Variants in MSI2 observed in about 807,000 individuals in gnomAD.
MSI2 encodes the protein RNA-binding protein Musashi homolog 2.
MSI2 carries 17 observed loss-of-function variants against 45.6 expected under a neutral mutation model. The ratio of observed to expected loss-of-function variants is 0.37; its 90% CI spans 0.26 to 0.56. MSI2 has a LOEUF of 0.56. MSI2 is among the 20% of genes least tolerant of loss of function. The probability of loss-of-function intolerance (pLI) is 0.77; values close to 1 mark genes in which losing one functional copy is unlikely to be tolerated. For synonymous variants in MSI2, 156 were observed against 158.2 expected, an observed-to-expected ratio of 0.99 and a Z score of 0.11; for missense variants, 293 against 444.2, an observed-to-expected ratio of 0.66 and a Z score of 3.06.
Position 57,317,808 on chromosome 17 carries a change from A to C in MSI2, c.312+55616A>C, listed in dbSNP as rs575723900. On this transcript the variant is annotated intron_variant, in intron 5 of 13. Coordinates refer to ENST00000284073, the MANE Select transcript of MSI2 (RefSeq NM_138962.4). ...TGTGTATTTGGGGTAGTGGTGCCCC[A>C]GCCTCAGAATGTGCCTCTTGGGAAG... is the stretch of plus-strand genomic sequence containing the variant. Among the ~76,000 whole-genome samples, 3 of 152,308 alleles carry C rather than the reference A, an allele frequency of 2.0e-5. No homozygotes were observed. The South Asian group carries it at 6.2e-4, about 32-fold the overall frequency.
chr17:57,614,636 C>T (rs1229913063), intron 8 of MSI2, among the ~76,000 whole-genome samples: 3 of 152,132 alleles, frequency 2.0e-5, no homozygotes, highest in South Asian at 2.1e-4. Flanking sequence ...TAAAAGCATC[C>T]GTGCCTTACC....
chr17:57,439,559 CTT>C (rs758957801), intron 6 of MSI2, among the ~76,000 whole-genome samples: 3,018 of 137,122 alleles, frequency 0.022, 38 homozygotes, highest in Middle Eastern at 0.076. Flanking sequence ...TAGGCTTTGT[CTT>C]TTTTTTTTTT....
chr17:57,426,372 A>C (rs1286990159), intron 6 of MSI2, among the ~76,000 whole-genome samples: 1 of 152,196 alleles, frequency 6.6e-6, no homozygotes, highest in Non-Finnish European at 1.5e-5. Flanking sequence ...TGCTCTTTTA[A>C]GATAACGTTC....
intron 5 of MSI2, among the ~76,000 whole-genome samples, chr17:57,356,315 T>C (rs996903668): frequency 1.3e-5 from 2 of 152,328 alleles, no homozygotes; most frequent in Non-Finnish European, 1.5e-5. Flanking sequence ...ATTTTTATCT[T>C]CTTGATAACT....
chr17:57,535,836 G>A (rs1329019580), intron 7 of MSI2, among the ~76,000 whole-genome samples: 1 of 152,240 alleles, frequency 6.6e-6, no homozygotes, highest in Non-Finnish European at 1.5e-5. Context: ...CCGAAAAGCA[G>A]CTGGCCAAAG....
chr17:57,612,385 T>G (rs1598450901), intron 8 of MSI2, among the ~76,000 whole-genome samples: 1 of 94,120 alleles, frequency 1.1e-5, no homozygotes, highest in East Asian at 2.7e-4. Context: ...GTCTCGGGGG[T>G]GGAGGGGACT....
At position 57,392,936 on chromosome 17, in the gene MSI2, A is replaced by G. The variant is rs9890976; in HGVS notation, c.313-8443A>G. Among the ~76,000 whole-genome samples, 384 of 152,258 alleles carry G rather than the reference A, an allele frequency of 2.5e-3. 2 individuals are homozygous for G. Among genetic ancestry groups the G allele is most frequent in the African/African-American group, 9.0e-3 (373 of 41,538 alleles). ...TAATTCACTCATTTAAAATGGTGCA[A>G]TTCAATGGATTTTAGTATATTCACA... On this transcript the variant is annotated intron_variant, in intron 5 of 13. Coordinates refer to ENST00000284073, the MANE Select transcript of MSI2 (RefSeq NM_138962.4).
In MSI2 at chr17:57,509,745, T is replaced by C. The variant is rs527455942; in HGVS notation, c.406-19931T>C. Reference sequence around the variant, plus strand: ...TGGTTGCTTGCTTTTTGCTCCTTCTTCAACTCCAAACCCAAGGCATTGCCA... The same window carrying C: ...TGGTTGCTTGCTTTTTGCTCCTTCTCCAACTCCAAACCCAAGGCATTGCCA... On this transcript the variant is annotated intron_variant, in intron 6 of 13. Coordinates refer to ENST00000284073, the MANE Select transcript of MSI2 (RefSeq NM_138962.4). Among the ~76,000 whole-genome samples, 120 of 151,788 alleles carry C rather than the reference T, an allele frequency of 7.9e-4. 2 individuals carry two copies. The highest frequency in any genetic ancestry group is 2.8e-3 in the African/African-American group (114 of 41,098).
intron 6 of MSI2, among the ~76,000 whole-genome samples, chr17:57,490,552 A>G (rs1478363508): frequency 6.6e-6 from 1 of 152,224 alleles, no homozygotes; most frequent in Non-Finnish European, 1.5e-5. Flanking sequence ...TGCCTTTATA[A>G]GAGGTCATGT....
intron 7 of MSI2, among the ~76,000 whole-genome samples, chr17:57,550,126 T>C (rs534883136): frequency 2.0e-5 from 3 of 152,154 alleles, no homozygotes; most frequent in South Asian, 4.1e-4. Flanking sequence ...GAAATCTCAA[T>C]AGGATCGAGA....
intron 7 of MSI2, among the ~76,000 whole-genome samples, chr17:57,554,170 A>G (rs1476027322): frequency 6.7e-6 from 1 of 149,312 alleles, no homozygotes; most frequent in African/African-American, 2.4e-5. Flanking sequence ...CCACGGCAAC[A>G]GGCGAAACAA....
chr17:57,346,710 G>C (rs12451446), intron 5 of MSI2, among the ~76,000 whole-genome samples: 20,784 of 151,822 alleles, frequency 0.14, 1,521 homozygotes, highest in Non-Finnish European at 0.16. Flanking sequence ...GGGCTCTGGC[G>C]ATCCTCCCAC....
At chr17:57,494,008 G>A (rs1364977621) in intron 6 of MSI2, among the ~76,000 whole-genome samples, 2 of 152,158 alleles carry the variant, frequency 1.3e-5, no homozygotes, top group Non-Finnish European at 2.9e-5. Context: ...GAGTGCTCTT[G>A]TACCCTCGGG....
intron 5 of MSI2, among the ~76,000 whole-genome samples, chr17:57,362,057 A>G (rs1339846171): frequency 1.3e-5 from 2 of 152,218 alleles, no homozygotes; most frequent in African/African-American, 2.4e-5. Flanking sequence ...CTATTAGGAA[A>G]GGGGTCTACC....
rs115451471 is a variant in MSI2, at chr17:57,507,185, G to T, written c.406-22491G>T. Among the ~76,000 whole-genome samples the T allele has an allele frequency of 2.8e-3, 403 of 141,586 alleles. 30 individuals carry two copies. The highest frequency in any genetic ancestry group is 0.01 in the African/African-American group (384 of 36,796). 92.9% of individuals were successfully genotyped at this position (141,586 alleles called of 152,430 possible). On this transcript the variant is annotated intron_variant, in intron 6 of 13. Coordinates refer to ENST00000284073, the MANE Select transcript of MSI2 (RefSeq NM_138962.4). ...TTTCTCTGTGTGTGTTGGGGGGGGG[G>T]GGTGTAAATCTCTTCCCATTGGTTT...
At chr17:57,365,489 T>C (rs910610064) in intron 5 of MSI2, among the ~76,000 whole-genome samples, 4 of 152,198 alleles carry the variant, frequency 2.6e-5, no homozygotes, top group African/African-American at 9.7e-5. Flanking sequence ...GCACGGATCC[T>C]ATGAGTAGCT....
Position 57,543,278 on chromosome 17 carries a change from G to A in MSI2, c.454+13554G>A, listed in dbSNP as rs12453199. Among the ~76,000 whole-genome samples the A allele has an allele frequency of 2.2e-3, 334 of 152,306 alleles. 2 individuals carry two copies. The highest frequency in any genetic ancestry group is 5.7e-3 in the Admixed American group (87 of 15,300). ...GAATTTTTTCTTGCTGGCTTAAGAG[G>A]GGGGGAAAATGCCTTTAGTGTTGTT... On this transcript the variant is annotated intron_variant, in intron 7 of 13. Transcript: ENST00000284073.
intron 9 of MSI2, chr17:57,626,333 C>G (rs1415815158): frequency 6.6e-6 from 1 of 152,186 alleles, no homozygotes; most frequent in Non-Finnish European, 1.5e-5. Flanking sequence ...CTGAATCAGG[C>G]AGGGACTTGA....
In MSI2 at chr17:57,297,440, C is replaced by T. The variant is rs183994738; in HGVS notation, c.312+35248C>T. On this transcript the variant is annotated intron_variant, in intron 5 of 13. Transcript: ENST00000284073. ...ATGTGCATGCCTCAATTAAAAAATA[C>T]ATTTGATAAAAAAAAATTGACAAAA... is the stretch of plus-strand genomic sequence containing the variant. Among the ~76,000 whole-genome samples, 146 of 152,060 alleles carry T rather than the reference C, an allele frequency of 9.6e-4. 1 individual carries two copies. Among genetic ancestry groups the T allele is most frequent in the Non-Finnish European group, 1.7e-3 (113 of 67,944 alleles).
Sources: allele counts gnomAD v4.1 joint callset (sites outside exome capture counted in the v4.1 genomes callset), GRCh38; gene constraint gnomAD v4.1.1; transcripts MANE v1.5; gene names NCBI Gene and HGNC (gene_info 2026-07-23, HGNC 2026-07-21).